PSMC1: variants seen among roughly 807,000 people sequenced by gnomAD.
The protein encoded by PSMC1 is proteasome 26S subunit, ATPase 1.
In PSMC1, 5 loss-of-function variants were observed where a neutral mutation model predicts 49.8. The ratio of observed to expected loss-of-function variants is 0.10; its 90% CI spans 0.05 to 0.21. The LOEUF (loss-of-function observed/expected upper bound fraction) is 0.21. Ranked by LOEUF, PSMC1 falls within the 10% of genes least tolerant of loss-of-function variation. PSMC1 has a pLI of 1.00. For missense variants in PSMC1, 181 were observed against 535.7 expected (o/e 0.34, Z 6.54); for synonymous variants, 155 against 192.1 (o/e 0.81, Z 1.60).
chr14:90,268,535 C>T (rs1891577332), intron 8 of PSMC1, 122 bp downstream of exon 8: 11 of 924,034 alleles, frequency 1.2e-5, no homozygotes, highest in Middle Eastern at 2.9e-4. Context: ...GCGTGGCCTT[C>T]CATGCATGCT....
intron 2 of PSMC1, 136 bp downstream of exon 2, chr14:90,259,349 C>T (rs1891352199): frequency 1.5e-6 from 1 of 682,806 alleles, no homozygotes; most frequent in African/African-American, 1.8e-5. Flanking sequence ...GCCTGTCCTA[C>T]AGATACAATA....
chr14:90,268,479 A>T, intron 8 of PSMC1, 66 bp downstream of exon 8: 1 of 1,504,610 alleles, frequency 6.6e-7, no homozygotes, highest in Non-Finnish European at 9.2e-7. Flanking sequence ...TCTCTTGAGA[A>T]TGAGCAATCT....
At chr14:90,269,808 TTGC>T in intron 9 of PSMC1, 1 of 416,894 alleles carries the variant, frequency 2.4e-6, no homozygotes, top group Non-Finnish European at 4.2e-6. Flanking sequence ...CCTCAAGAAC[TTGC>T]TGCTTTTTCT....
At chr14:90,268,559 T>C in intron 8 of PSMC1, 146 bp downstream of exon 8, 1 of 736,346 alleles carries the variant, frequency 1.4e-6, no homozygotes. Flanking sequence ...GGCTCTGCTC[T>C]CCCAGGAGCC....
At chr14:90,257,612 A>T (rs1017130248) in intron 1 of PSMC1, among the ~76,000 whole-genome samples, 5 of 152,024 alleles carry the variant, frequency 3.3e-5, no homozygotes, top group African/African-American at 4.8e-5. Context: ...TTTTAATTTT[A>T]ATTTTTATTT....
At chr14:90,264,960 T>C (rs1891475920) in intron 6 of PSMC1, 110 bp from the exon 7 acceptor site, 7 of 791,950 alleles carry the variant, frequency 8.8e-6, no homozygotes, top group Non-Finnish European at 1.5e-5. Context: ...CTAAGAAGAG[T>C]AATTGAGATT....
intron 8 of PSMC1, 66 bp downstream of exon 8, chr14:90,268,479 A>G: frequency 6.6e-7 from 1 of 1,504,612 alleles, no homozygotes; most frequent in African/African-American, 1.4e-5. Flanking sequence ...TCTCTTGAGA[A>G]TGAGCAATCT....
At chr14:90,260,851 C>T (rs1891384517) in intron 3 of PSMC1, among the ~76,000 whole-genome samples, 1 of 152,250 alleles carries the variant, frequency 6.6e-6, no homozygotes, top group African/African-American at 2.4e-5. Flanking sequence ...GATTGTGCCA[C>T]TGCACTGTAG....
rs1317938406 is a variant in PSMC1 at position 90,264,176 on chromosome 14, T to C, written c.594+7T>C. ...CCAAATTCAGGAAATTAAGGTATGATTGATTGGTAACCATCTCTGGGTTTC... is the reference window on the plus strand; with the variant it reads ...CCAAATTCAGGAAATTAAGGTATGACTGATTGGTAACCATCTCTGGGTTTC... On this transcript the variant is annotated splice_region_variant and intron_variant, in intron 6 of 10. Transcript: ENST00000261303. 2.5e-6 allele frequency: 4 copies of C among 1,612,320 alleles called. No homozygotes were observed. The highest frequency in any genetic ancestry group is 4.5e-5 in the East Asian group (2 of 44,886).
At chr14:90,269,963 CA>C (rs1891619731) in intron 9 of PSMC1, 1 of 493,300 alleles carries the variant, frequency 2.0e-6, no homozygotes. Context: ...TTGCTCCTTT[CA>C]TTTATTTCTG....
intron 7 of PSMC1, among the ~76,000 whole-genome samples, chr14:90,266,536 C>T (rs1433775621): frequency 1.3e-5 from 2 of 152,204 alleles, no homozygotes; most frequent in African/African-American, 4.8e-5. Context: ...TAGCCCAAGG[C>T]CCCTGTGGGA....
intron 8 of PSMC1, 160 bp downstream of exon 8, chr14:90,268,573 T>G (rs1891578318): frequency 1.5e-6 from 1 of 671,314 alleles, no homozygotes; most frequent in South Asian, 1.9e-5. Flanking sequence ...AGGAGCCAGC[T>G]AACAACTGCC....
At chr14:90,257,775 A>T (rs887153957) in intron 1 of PSMC1, among the ~76,000 whole-genome samples, 15 of 152,184 alleles carry the variant, frequency 9.9e-5, no homozygotes, top group African/African-American at 3.1e-4. Context: ...GTATTTTTGT[A>T]GAGACGGCGT....
At chr14:90,268,470 C>A in intron 8 of PSMC1, 57 bp downstream of exon 8, 1 of 1,545,268 alleles carries the variant, frequency 6.5e-7, no homozygotes, top group Non-Finnish European at 8.9e-7. Flanking sequence ...CATAGCTCTT[C>A]TCTTGAGAAT....
chr14:90,256,614 G>A lies in PSMC1; in HGVS notation c.3+14G>A, dbSNP rs767469692. 13 of 1,588,918 alleles carry A rather than the reference G, an allele frequency of 8.2e-6. No homozygotes were observed. The highest frequency in any genetic ancestry group is 1.7e-4 in the Middle Eastern group (1 of 6,026). ...CAAGGCAAGATGGTGAGTGACTAAG[G>A]GTTTCTTTCCGCTGGTCGTCGCGGT... On this transcript the variant is annotated intron_variant, in intron 1 of 10. Transcript: ENST00000261303.
intron 5 of PSMC1, 44 bp from the exon 6 acceptor site, chr14:90,263,997 G>A (rs1356870124): frequency 1.3e-6 from 2 of 1,588,424 alleles, no homozygotes; most frequent in East Asian, 4.5e-5. Flanking sequence ...AACAGATCCA[G>A]CAAACCTCAC....
At chr14:90,263,598 A>G in intron 4 of PSMC1, 64 bp from the exon 5 acceptor site, 1 of 1,555,758 alleles carries the variant, frequency 6.4e-7, no homozygotes, top group Non-Finnish European at 8.8e-7. Flanking sequence ...AAATCTAGCG[A>G]ACTATCAGGA....
intron 3 of PSMC1, among the ~76,000 whole-genome samples, chr14:90,261,034 T>G (rs959749371): frequency 6.6e-6 from 1 of 152,210 alleles, no homozygotes; most frequent in African/African-American, 2.4e-5. Context: ...ATAATAAAAT[T>G]TTTCAATGGC....
intron 9 of PSMC1, 122 bp downstream of exon 9, chr14:90,269,670 A>G (rs1287527205): frequency 8.9e-7 from 1 of 1,128,412 alleles, no homozygotes; most frequent in African/African-American, 1.6e-5. Context: ...AACTTAGGAT[A>G]ATTTACAAAA....
Sources: allele counts gnomAD v4.1 joint callset (sites outside exome capture counted in the v4.1 genomes callset), GRCh38; gene constraint gnomAD v4.1.1; transcripts MANE v1.5; gene names NCBI Gene and HGNC (gene_info 2026-07-23, HGNC 2026-07-21).